GRAMD1C: variants seen among roughly 807,000 people sequenced by gnomAD.
The protein encoded by GRAMD1C is GRAM domain containing 1C.
In GRAMD1C, 89 loss-of-function variants were observed where a neutral mutation model predicts 97.8. That is an observed-to-expected ratio of 0.91 (90% CI 0.77 to 1.09). GRAMD1C has a LOEUF of 1.09. Ranked by LOEUF, GRAMD1C falls within the 50% of genes least tolerant of loss-of-function variation. GRAMD1C has a pLI of 0.00. For synonymous variants in GRAMD1C, 256 were observed against 267.0 expected, an observed-to-expected ratio of 0.96 and a Z score of 0.40; for missense variants, 740 against 766.4, an observed-to-expected ratio of 0.97 and a Z score of 0.41.
intron 8 of GRAMD1C, among the ~76,000 whole-genome samples, chr3:113,906,572 A>G (rs149597170): frequency 2.7e-4 from 41 of 152,354 alleles, no homozygotes; most frequent in African/African-American, 8.9e-4. Flanking sequence ...TATTTTTACA[A>G]GAGTCAAAAA....
chr3:113,897,017 T>C (rs1402350747), intron 6 of GRAMD1C, among the ~76,000 whole-genome samples: 1 of 152,194 alleles, frequency 6.6e-6, no homozygotes, highest in Non-Finnish European at 1.5e-5. Flanking sequence ...AATCAAAATG[T>C]TGCCTTAAAC....
chr3:113,830,824 C>T (rs1709547818), intron 1 of GRAMD1C, among the ~76,000 whole-genome samples: 1 of 152,184 alleles, frequency 6.6e-6, no homozygotes. Flanking sequence ...ATTGTATGGG[C>T]ATGGTGACTC....
chr3:113,832,612 G>C (rs1185521013), intron 1 of GRAMD1C, among the ~76,000 whole-genome samples: 1 of 151,820 alleles, frequency 6.6e-6, no homozygotes, highest in African/African-American at 2.4e-5. Flanking sequence ...CCTCTTCATA[G>C]CCCCTGGAAA....
intron 2 of GRAMD1C, among the ~76,000 whole-genome samples, chr3:113,849,459 G>A (rs1253807265): frequency 1.3e-5 from 2 of 151,814 alleles, no homozygotes; most frequent in African/African-American, 4.8e-5. Flanking sequence ...CAGTGTTTGT[G>A]TCCCTGGGTA....
intron 9 of GRAMD1C, among the ~76,000 whole-genome samples, chr3:113,910,384 A>AAAAAC (rs771600568): frequency 1.3e-5 from 2 of 152,336 alleles, no homozygotes; most frequent in Middle Eastern, 3.4e-3. Flanking sequence ...CTCCGTCTCA[A>AAAAAC]AAAACAAAAC....
intron 6 of GRAMD1C, chr3:113,885,374 A>G (rs1220908374): frequency 6.3e-7 from 1 of 1,590,760 alleles, no homozygotes; most frequent in Admixed American, 1.7e-5. Flanking sequence ...TTCTTCATTT[A>G]CCTTTTGCGG....
chr3:113,844,835 T>C (rs1933540990), intron 2 of GRAMD1C, 186 bp downstream of exon 2: 2 of 486,286 alleles, frequency 4.1e-6, no homozygotes, highest in Admixed American at 8.3e-5. Flanking sequence ...TGCACTGTTG[T>C]CTGGTTCGAT....
upstream of GRAMD1C, among the ~76,000 whole-genome samples, chr3:113,837,767 G>C (rs555618846): frequency 3.4e-4 from 51 of 151,630 alleles, no homozygotes; most frequent in South Asian, 0.01. Context: ...AAGTAGTTAA[G>C]CATGGTGGCA....
Position 113,876,217 on chromosome 3 carries a change from G to T in GRAMD1C, c.416G>T (p.Arg139Leu). 6.2e-7 allele frequency: 1 copy of T among 1,602,244 alleles called. No individual in the cohort carries two copies. The highest frequency in any genetic ancestry group is 8.5e-7 in the Non-Finnish European group (1 of 1,169,948). The change falls in exon 5 of 18, where the codon CGA (arginine) becomes CTA (leucine). Residue 139 changes from arginine to leucine, a missense_variant. Arg to Leu is a moderately radical substitution (Grantham distance 102). Coordinates refer to ENST00000358160, the MANE Select transcript of GRAMD1C (RefSeq NM_017577.5). Reference sequence around the variant, plus strand: ...TTCATGACCAAGGAAAAAACTGCTCGACTCATCCCAAACGCTATCCAGATA... The same window carrying T: ...TTCATGACCAAGGAAAAAACTGCTCTACTCATCCCAAACGCTATCCAGATA... ...ITFMTKEKTARLIPNAIQIVT... is the reference protein window; with the variant it reads ...ITFMTKEKTALLIPNAIQIVT...
chr3:113,867,180 T>C (rs4682504), intron 2 of GRAMD1C, among the ~76,000 whole-genome samples: 76,510 of 152,090 alleles, frequency 0.5, 19,828 homozygotes, highest in Middle Eastern at 0.67. Flanking sequence ...AATAGATTTA[T>C]GTAGTCTTTT....
At chr3:113,861,486 A>G (rs975791309) in intron 2 of GRAMD1C, among the ~76,000 whole-genome samples, 6 of 152,124 alleles carry the variant, frequency 3.9e-5, no homozygotes, top group Non-Finnish European at 7.4e-5. Context: ...ACTGCCCTCC[A>G]TCCTGGGCAA....
At chr3:113,923,506 C>A (rs1234642843) in intron 10 of GRAMD1C, among the ~76,000 whole-genome samples, 1 of 152,044 alleles carries the variant, frequency 6.6e-6, no homozygotes, top group Non-Finnish European at 1.5e-5. Context: ...GAAAGCCTTT[C>A]CTGCATCTAT....
At chr3:113,854,639 G>C (rs761433400) in intron 2 of GRAMD1C, among the ~76,000 whole-genome samples, 1 of 151,996 alleles carries the variant, frequency 6.6e-6, no homozygotes, top group African/African-American at 2.4e-5. Flanking sequence ...ATCTTCCTTT[G>C]TAAAATTTGA....
chr3:113,868,634 G>A (rs953548114), intron 2 of GRAMD1C, among the ~76,000 whole-genome samples: 18 of 152,130 alleles, frequency 1.2e-4, no homozygotes, highest in African/African-American at 4.3e-4. Context: ...TAAATCCATA[G>A]AGCCAGTAAG....
At chr3:113,891,712 TA>T (rs34337847) in intron 6 of GRAMD1C, among the ~76,000 whole-genome samples, 45,167 of 141,922 alleles carry the variant, frequency 0.32, 7,566 homozygotes, top group East Asian at 0.62. Context: ...ACCCCATTTC[TA>T]AAAAAAAAAA....
chr3:113,849,264 A>ATATT (rs1559776712), intron 2 of GRAMD1C, among the ~76,000 whole-genome samples: 2 of 138,128 alleles, frequency 1.4e-5, no homozygotes, highest in East Asian at 4.4e-4. Flanking sequence ...AAGCTAGTTA[A>ATATT]TATTTTATTT....
chr3:113,839,946 T>G (rs1311004809), intron 1 of GRAMD1C, among the ~76,000 whole-genome samples: 1 of 152,022 alleles, frequency 6.6e-6, no homozygotes, highest in Admixed American at 6.6e-5. Context: ...GTGTAGAAAC[T>G]GATGATGCCA....
At chr3:113,871,886 A>G (rs1934831378) in intron 3 of GRAMD1C, among the ~76,000 whole-genome samples, 1 of 152,118 alleles carries the variant, frequency 6.6e-6, no homozygotes, top group Admixed American at 6.6e-5. Flanking sequence ...GGTTGCAGTA[A>G]GGAGAGATCA....
At chr3:113,927,181 C>T (rs1937257965) in intron 10 of GRAMD1C, among the ~76,000 whole-genome samples, 1 of 151,916 alleles carries the variant, frequency 6.6e-6, no homozygotes, top group South Asian at 2.1e-4. Flanking sequence ...TATTAGCTGG[C>T]AGATAGGCTC....
Sources: gnomAD v4.1 joint callset for allele counts (sites outside exome capture counted in the v4.1 genomes callset) on GRCh38, gnomAD v4.1.1 for gene constraint, MANE v1.5 for transcripts, NCBI Gene and HGNC (gene_info 2026-07-23, HGNC 2026-07-21) for gene names.